MSN: variants seen among roughly 807,000 people sequenced by gnomAD.
MSN encodes the protein moesin.
In MSN, 2 loss-of-function variants were observed where a neutral mutation model predicts 48.0. That is an observed-to-expected ratio of 0.04 (90% CI 0.02 to 0.13). The LOEUF (loss-of-function observed/expected upper bound fraction) is 0.13, where lower values mean the gene tolerates loss of function less well. MSN is among the 10% of genes least tolerant of loss of function. The pLI, the probability that MSN is intolerant of heterozygous loss-of-function variation, is 1.00. For synonymous variants in MSN, 146 were observed against 166.9 expected (o/e 0.87, Z 0.97); for missense variants, 267 against 470.1 (o/e 0.57, Z 3.99).
intron 2 of MSN, among the ~76,000 whole-genome samples, chrX:65,717,507 G>A (rs758013888): frequency 2.0e-4 from 22 of 112,216 alleles, no homozygotes; most frequent in Middle Eastern, 4.2e-3. Context: ...TTGCTTACTC[G>A]CCATAGTGAA....
At chrX:65,653,202 A>G (rs1321530651) in intron 1 of MSN, among the ~76,000 whole-genome samples, 2 of 111,315 alleles carry the variant, frequency 1.8e-5, no homozygotes, top group African/African-American at 6.5e-5. Flanking sequence ...TTATTTTGCC[A>G]ACACCACATT....
chrX:65,618,874 C>T (rs2070403512), intron 1 of MSN, among the ~76,000 whole-genome samples: 1 of 111,200 alleles, frequency 9.0e-6, no homozygotes, highest in Admixed American at 9.6e-5. Context: ...TTTAGTGCTT[C>T]CTTCAGGAGC....
At chrX:65,711,413 C>T (rs1230861437) in intron 1 of MSN, among the ~76,000 whole-genome samples, 5 of 111,233 alleles carry the variant, frequency 4.5e-5, no homozygotes, top group Admixed American at 9.5e-5. Flanking sequence ...CCAGGCTGGT[C>T]TCGAACTCCT....
upstream of MSN, among the ~76,000 whole-genome samples, chrX:65,665,049 C>T (rs1315268207): frequency 3.6e-5 from 4 of 110,626 alleles, no homozygotes; most frequent in Non-Finnish European, 7.5e-5. Context: ...CACACCTGGT[C>T]CTTGTTTCCC....
intron 1 of MSN, among the ~76,000 whole-genome samples, chrX:65,635,818 G>C (rs1447662359): frequency 1.8e-5 from 2 of 111,934 alleles, no homozygotes; most frequent in South Asian, 7.5e-4. Flanking sequence ...AAAGTGGGAA[G>C]GGATGAATAA....
upstream of MSN, among the ~76,000 whole-genome samples, chrX:65,664,174 C>T (rs1039824443): frequency 9.0e-6 from 1 of 111,236 alleles, no homozygotes; most frequent in African/African-American, 3.3e-5. Context: ...TTAGTAGCAA[C>T]ATGGATGGAA....
At chrX:65,601,493 T>C (rs933347373) in intron 1 of MSN, among the ~76,000 whole-genome samples, 5 of 112,661 alleles carry the variant, frequency 4.4e-5, no homozygotes, top group African/African-American at 1.3e-4. Flanking sequence ...CCAAAAGCCA[T>C]TGGGCCTCTG....
At chrX:65,616,919 G>A (rs959983625) in intron 1 of MSN, among the ~76,000 whole-genome samples, 2 of 110,894 alleles carry the variant, frequency 1.8e-5, no homozygotes, top group Non-Finnish European at 3.8e-5. Context: ...AGCATGAAGA[G>A]TTGTTGAATT....
At chrX:65,709,474 G>A (rs1213456206) in intron 1 of MSN, among the ~76,000 whole-genome samples, 1 of 112,268 alleles carries the variant, frequency 8.9e-6, no homozygotes, top group Non-Finnish European at 1.9e-5. Context: ...AGAAAAAACA[G>A]GTTCTGGTTG....
intron 1 of MSN, among the ~76,000 whole-genome samples, chrX:65,683,936 C>CTTTTTTTTTTTTTTTT (rs1379919738): frequency 2.0e-5 from 2 of 101,172 alleles, no homozygotes; most frequent in Non-Finnish European, 2.0e-5. Flanking sequence ...TTCTTTCTTT[C>CTTTTTTTTTTTTTTTT]TTTTTCTTTT....
chrX:65,603,192 G>A (rs1044217422), intron 1 of MSN, among the ~76,000 whole-genome samples: 3 of 111,795 alleles, frequency 2.7e-5, no homozygotes, highest in African/African-American at 9.8e-5. Flanking sequence ...TACTCAGGAG[G>A]CTGAGGCAGG....
At chrX:65,714,834 T>A (rs1318625981) in intron 1 of MSN, among the ~76,000 whole-genome samples, 5 of 112,270 alleles carry the variant, frequency 4.5e-5, no homozygotes, top group Non-Finnish European at 9.4e-5. Flanking sequence ...TTGTCAATTT[T>A]TGCTTTTGTT....
upstream of MSN, among the ~76,000 whole-genome samples, chrX:65,663,992 G>A (rs746136031): frequency 4.7e-5 from 5 of 107,132 alleles, no homozygotes; most frequent in East Asian, 5.8e-4. Context: ...CCCGGGAGGC[G>A]GAGCTTGAAG....
intron 7 of MSN, among the ~76,000 whole-genome samples, chrX:65,734,648 C>CGTGT (rs1191405244): frequency 2.7e-5 from 3 of 111,992 alleles, no homozygotes; most frequent in Non-Finnish European, 5.6e-5. Flanking sequence ...CTGTGCTCAA[C>CGTGT]TATTATCAGA....
At chrX:65,659,841 C>T (rs1313522368) in intron 1 of MSN, among the ~76,000 whole-genome samples, 2 of 111,406 alleles carry the variant, frequency 1.8e-5, no homozygotes, top group Non-Finnish European at 3.8e-5. Flanking sequence ...TGTATGGCTC[C>T]TATTTCTATG....
chrX:65,728,748 C>A (rs1358424390), intron 3 of MSN, among the ~76,000 whole-genome samples: 1 of 111,667 alleles, frequency 9.0e-6, no homozygotes, highest in African/African-American at 3.3e-5. Flanking sequence ...TCAGTTGGAC[C>A]CCAAATGGGA....
At chrX:65,688,429 T>C (rs2071138954) in intron 1 of MSN, among the ~76,000 whole-genome samples, 1 of 111,103 alleles carries the variant, frequency 9.0e-6, no homozygotes, top group Admixed American at 9.7e-5. Context: ...CTCATAGACT[T>C]TAAGTGGCTG....
chrX:65,695,732 C>T (rs1436015680), intron 1 of MSN, among the ~76,000 whole-genome samples: 1 of 110,312 alleles, frequency 9.1e-6, no homozygotes, highest in Non-Finnish European at 1.9e-5. Context: ...GGATTTCTGT[C>T]TCTGATTGTG....
chrX:65,628,604 C>G, intron 1 of MSN, among the ~76,000 whole-genome samples: 1 of 111,932 alleles, frequency 8.9e-6, no homozygotes, highest in East Asian at 2.8e-4. Context: ...CTGACATGGC[C>G]TGGAGACATT....
Sources: allele counts gnomAD v4.1 joint callset (sites outside exome capture counted in the v4.1 genomes callset), GRCh38; gene constraint gnomAD v4.1.1; transcripts MANE v1.5; gene names NCBI Gene and HGNC (gene_info 2026-07-23, HGNC 2026-07-21).